RPS5: variants seen among roughly 807,000 people sequenced by gnomAD.
RPS5 encodes the protein ribosomal protein S5.
In RPS5, 2 loss-of-function variants were observed where a neutral mutation model predicts 20.9. The ratio of observed to expected loss-of-function variants is 0.10; its 90% CI spans 0.04 to 0.30. The LOEUF (loss-of-function observed/expected upper bound fraction) is 0.30, where lower values mean the gene tolerates loss of function less well. RPS5 is among the 10% of genes least tolerant of loss of function. RPS5 has a pLI of 1.00. For synonymous variants in RPS5, 112 were observed against 105.8 expected, an observed-to-expected ratio of 1.06 and a Z score of -0.36; for missense variants, 122 against 287.2, an observed-to-expected ratio of 0.42 and a Z score of 4.16.
intron 4 of RPS5, 115 bp from the exon 5 acceptor site, chr19:58,394,379 CTCT>C: frequency 1.3e-6 from 1 of 771,864 alleles, no homozygotes; most frequent in Non-Finnish European, 2.2e-6. Context: ...ATGCCACCAC[CTCT>C]TGTCTCAGTG....
At chr19:58,390,426 CTTTTTTT>C (rs61279930) in intron 2 of RPS5, among the ~76,000 whole-genome samples, 12 of 47,706 alleles carry the variant, frequency 2.5e-4, no homozygotes, top group Admixed American at 1.0e-3. Flanking sequence ...GCCACTGTTA[CTTTTTTT>C]TTTTTTTTTT....
chr19:58,394,120 G>GA (rs2052381498), intron 4 of RPS5: 1 of 211,310 alleles, frequency 4.7e-6, no homozygotes. Context: ...GTTGTCGTCG[G>GA]TTTTTTTGTT....
intron 1 of RPS5, chr19:58,387,653 T>TA (rs1300262532): frequency 6.2e-6 from 1 of 161,120 alleles, no homozygotes; most frequent in Admixed American, 6.0e-5. Context: ...TAGCAGCCCC[T>TA]AGAGCCTTCA....
chr19:58,394,251 A>T lies in RPS5; in HGVS notation c.448-246A>T, dbSNP rs1599935535. 7.7e-6 allele frequency: 4 copies of T among 522,850 alleles called. No homozygotes were observed. The East Asian group carries it at 1.3e-4, about 17-fold the overall frequency. 32.4% of individuals were successfully genotyped at this position (522,850 alleles called of 1,614,324 possible). On this transcript the variant is annotated intron_variant, in intron 4 of 5. Coordinates refer to ENST00000196551, the MANE Select transcript of RPS5 (RefSeq NM_001009.4). ...AAGCCACCGTGCCCGGCCGTCTAGC[A>T]GTTTGCTGTTGAGGCAGGTCTCAAT... is the stretch of plus-strand genomic sequence containing the variant.
chr19:58,388,559 G>C, intron 2 of RPS5: 1 of 445,716 alleles, frequency 2.2e-6, no homozygotes, highest in Non-Finnish European at 4.0e-6. Flanking sequence ...CAGTTATCCA[G>C]TACCATCTCC....
intron 2 of RPS5, chr19:58,388,635 AGTTTTTT>A: frequency 1.0e-5 from 2 of 200,620 alleles, no homozygotes; most frequent in Non-Finnish European, 9.0e-6. Flanking sequence ...AGCTGGCCGT[AGTTTTTT>A]TTTTTTTTTT....
At chr19:58,387,834 C>G in intron 1 of RPS5, 1 of 395,678 alleles carries the variant, frequency 2.5e-6, no homozygotes, top group South Asian at 2.7e-5. Context: ...TGAATTACAG[C>G]CCATGCAGTG....
chr19:58,389,087 C>A (rs1310283462), intron 2 of RPS5, among the ~76,000 whole-genome samples: 1 of 152,138 alleles, frequency 6.6e-6, no homozygotes, highest in Non-Finnish European at 1.5e-5. Flanking sequence ...TTTACACATA[C>A]CCTTTTTTTC....
chr19:58,393,845 G>A (rs958212507), intron 4 of RPS5: 10 of 229,056 alleles, frequency 4.4e-5, no homozygotes, highest in Admixed American at 2.6e-4. Context: ...TACCCCCGTC[G>A]TCACCCCCAG....
chr19:58,390,182 C>T (rs6510145), intron 2 of RPS5, among the ~76,000 whole-genome samples: 15,449 of 151,706 alleles, frequency 0.1, 2,670 homozygotes, highest in African/African-American at 0.35. Flanking sequence ...AGGCATGAGC[C>T]ACCACGCCTG....
chr19:58,392,120 G>A (rs572117223), intron 2 of RPS5, among the ~76,000 whole-genome samples: 2 of 152,062 alleles, frequency 1.3e-5, no homozygotes, highest in South Asian at 4.1e-4. Flanking sequence ...TCAAGAGTTC[G>A]AGACCAGCCT....
At position 58,394,486 on chromosome 19, in the gene RPS5, TGTC is replaced by T. The variant is rs2052384348; in HGVS notation, c.448-10_448-8del. On this transcript the variant is annotated splice_polypyrimidine_tract_variant and splice_region_variant and intron_variant, in intron 4 of 5. Transcript: ENST00000196551. ...TCTGTCCTTCTAGCCTGACCCCTGCTGTCTTCCTAGGCCATCTGGCTGCTGTGC... is the reference window on the plus strand; with the variant it reads ...TCTGTCCTTCTAGCCTGACCCCTGCTTTCCTAGGCCATCTGGCTGCTGTGC... 6.2e-7 allele frequency: 1 copy of T among 1,612,952 alleles called. No homozygotes were observed. The highest frequency in any genetic ancestry group is 8.5e-7 in the Non-Finnish European group (1 of 1,179,302).
chr19:58,387,821 G>A (rs2052336258), intron 1 of RPS5: 1 of 344,760 alleles, frequency 2.9e-6, no homozygotes, highest in African/African-American at 2.1e-5. Context: ...CGAGATTGTG[G>A]TTTGAATTAC....
In RPS5 at chr19:58,393,503, A is replaced by G; in HGVS notation, c.447+16A>G. On this transcript the variant is annotated intron_variant, in intron 4 of 5. Coordinates refer to ENST00000196551, the MANE Select transcript of RPS5 (RefSeq NM_001009.4). ...TGTGAACCAGGTGAGCCTGGGGCTT[A>G]TGCACGTGGCAGGGTGGACACAGCC... The G allele has an allele frequency of 6.2e-7, 1 of 1,603,558 alleles. No homozygotes were observed. The highest frequency in any genetic ancestry group is 8.5e-7 in the Non-Finnish European group (1 of 1,176,274).
intron 4 of RPS5, chr19:58,393,704 T>C (rs973341218): frequency 1.0e-5 from 6 of 581,988 alleles, no homozygotes; most frequent in Non-Finnish European, 1.8e-5. Flanking sequence ...TTCTTTCCTT[T>C]GGGTGTATAT....
intron 2 of RPS5, among the ~76,000 whole-genome samples, chr19:58,389,793 C>T (rs1352158169): frequency 1.3e-5 from 2 of 151,706 alleles, no homozygotes; most frequent in Non-Finnish European, 2.9e-5. Context: ...CACACCACCA[C>T]GCCTGGCTAA....
At chr19:58,392,618 CAAA>C (rs112715872) in intron 2 of RPS5, among the ~76,000 whole-genome samples, 14 of 133,344 alleles carry the variant, frequency 1.0e-4, no homozygotes, top group African/African-American at 3.7e-4. Flanking sequence ...GTGAGAGACT[CAAA>C]AAAAAAAAAA....
intron 1 of RPS5, chr19:58,387,546 C>CT (rs2052333638): frequency 1.3e-5 from 2 of 152,248 alleles, no homozygotes; most frequent in East Asian, 3.9e-4. Flanking sequence ...GCTTGGGGAA[C>CT]TTGGTTTGAA....
At chr19:58,390,331 G>A (rs1367371834) in intron 2 of RPS5, among the ~76,000 whole-genome samples, 1 of 150,056 alleles carries the variant, frequency 6.7e-6, no homozygotes, top group East Asian at 1.9e-4. Flanking sequence ...AAGTGCTGGG[G>A]TTATAGGCAT....
Sources: allele counts gnomAD v4.1 joint callset (sites outside exome capture counted in the v4.1 genomes callset), GRCh38; gene constraint gnomAD v4.1.1; transcripts MANE v1.5; gene names NCBI Gene and HGNC (gene_info 2026-07-23, HGNC 2026-07-21).